The following MICU1 variants were observed in gnomAD, a reference collection of about 807,000 sequenced individuals.
MICU1 encodes the protein calcium uptake protein 1, mitochondrial.
A neutral mutation model predicts 56.8 loss-of-function variants in MICU1; 45 were observed. That is an observed-to-expected ratio of 0.79 (90% CI 0.62 to 1.02). The LOEUF is 1.02. MICU1 is among the 50% of genes least tolerant of loss of function. MICU1 has a pLI of 0.00. For missense variants in MICU1, 504 were observed against 587.1 expected (o/e 0.86, Z 1.46); for synonymous variants, 186 against 195.1 (o/e 0.95, Z 0.39).
At chr10:72,573,440 A>G (rs1421449994) in intron 1 of MICU1, among the ~76,000 whole-genome samples, 1 of 152,078 alleles carries the variant, frequency 6.6e-6, no homozygotes, top group Admixed American at 6.6e-5. Context: ...CACTCACAAA[A>G]AGTAATAGTA....
intron 5 of MICU1, among the ~76,000 whole-genome samples, chr10:72,528,975 T>G (rs1481253496): frequency 6.6e-6 from 1 of 152,202 alleles, no homozygotes; most frequent in Non-Finnish European, 1.5e-5. Flanking sequence ...AAGCTTTGAT[T>G]TTCAACTATG....
chr10:72,374,784 C>T (rs150201707), intron 11 of MICU1, among the ~76,000 whole-genome samples: 1 of 147,202 alleles, frequency 6.8e-6, no homozygotes. Flanking sequence ...TAGTTCAAAT[C>T]CTGGTTTTGC....
At chr10:72,562,021 T>C (rs1178015890) in intron 3 of MICU1, among the ~76,000 whole-genome samples, 1 of 152,158 alleles carries the variant, frequency 6.6e-6, no homozygotes, top group Non-Finnish European at 1.5e-5. Context: ...AAATCCATCC[T>C]TTTCATTGTT....
At chr10:72,534,089 C>T (rs1226452165) in intron 4 of MICU1, among the ~76,000 whole-genome samples, 1 of 150,564 alleles carries the variant, frequency 6.6e-6, no homozygotes, top group African/African-American at 2.4e-5. Flanking sequence ...GTGCTCTTTT[C>T]ATTATATCAA....
chr10:72,625,086 AC>A (rs1204240077), intron 1 of MICU1, among the ~76,000 whole-genome samples: 1 of 152,198 alleles, frequency 6.6e-6, no homozygotes, highest in Non-Finnish European at 1.5e-5. Context: ...TCACTTCCCT[AC>A]GTGCCCCAAA....
intron 6 of MICU1, among the ~76,000 whole-genome samples, chr10:72,507,089 C>T (rs1434487993): frequency 6.6e-6 from 1 of 151,402 alleles, no homozygotes; most frequent in East Asian, 1.9e-4. Context: ...CTTCTAGTAG[C>T]TTTATGTTTA....
intron 6 of MICU1, among the ~76,000 whole-genome samples, chr10:72,502,206 G>A (rs753178632): frequency 3.3e-5 from 5 of 149,260 alleles, no homozygotes; most frequent in Non-Finnish European, 5.9e-5. Context: ...CCAGGCTGGA[G>A]TGCAGTGGCG....
At chr10:72,371,336 G>A (rs1483750290) in intron 11 of MICU1, among the ~76,000 whole-genome samples, 2 of 143,726 alleles carry the variant, frequency 1.4e-5, no homozygotes, top group African/African-American at 5.2e-5. Flanking sequence ...GCAGTGAGCC[G>A]AGATCGCACC....
chr10:72,486,239 T>C (rs1007509636), intron 6 of MICU1, among the ~76,000 whole-genome samples: 1 of 152,066 alleles, frequency 6.6e-6, no homozygotes, highest in African/African-American at 2.4e-5. Context: ...GGCATAAGGA[T>C]TAATAAGAAC....
In MICU1 at chr10:72,533,759, C is replaced by G. The variant is rs752729268; in HGVS notation, c.524G>C (p.Arg175Pro). Residue 175 changes from arginine (R) to proline (P), a missense_variant, in exon 5 of 12, where the codon CGC (arginine) becomes CCC (proline). By Grantham distance (103) the Arg-to-Pro change is moderately radical. Transcript: ENST00000361114. Reference protein sequence around the residue: ...HLGLDQYIIKRFDGKKISQER... With the variant: ...HLGLDQYIIKPFDGKKISQER... ...TAGTTTGCTCACCTTTCCATCAAAGCGTTTTATTATATATTGATCCAGACC... is the reference window on the plus strand; with the variant it reads ...TAGTTTGCTCACCTTTCCATCAAAGGGTTTTATTATATATTGATCCAGACC... 4 of 1,601,188 alleles carry G rather than the reference C, an allele frequency of 2.5e-6. No homozygotes were observed. The highest frequency in any genetic ancestry group is 3.4e-6 in the Non-Finnish European group (4 of 1,172,552).
At chr10:72,475,779 G>C (rs546043995) in intron 7 of MICU1, 33 of 452,114 alleles carry the variant, frequency 7.3e-5, no homozygotes, top group African/African-American at 5.4e-4. Flanking sequence ...AAATAAGATT[G>C]AAGCACACGG....
intron 9 of MICU1, among the ~76,000 whole-genome samples, chr10:72,422,501 C>T (rs1864208172): frequency 6.6e-6 from 1 of 152,202 alleles, no homozygotes; most frequent in African/African-American, 2.4e-5. Context: ...TTCTCTGCTT[C>T]TGTACTTTTC....
At chr10:72,378,294 A>C (rs1862592205) in intron 10 of MICU1, among the ~76,000 whole-genome samples, 1 of 152,102 alleles carries the variant, frequency 6.6e-6, no homozygotes, top group African/African-American at 2.4e-5. Context: ...AAAATCCAAA[A>C]ACAAATGGTA....
intron 1 of MICU1, among the ~76,000 whole-genome samples, chr10:72,585,994 A>ATTTTTTATTT (rs1276935862): frequency 1.0e-5 from 1 of 100,204 alleles, no homozygotes; most frequent in Non-Finnish European, 2.1e-5. Context: ...TATTGTTTTT[A>ATTTTTTATTT]TTTTTTCTTT....
rs542419617 is a variant in MICU1, at chr10:72,432,318, C to T, written c.934-8947G>A. On this transcript the variant is annotated intron_variant, in intron 8 of 11. Transcript: ENST00000361114. The stretch of plus-strand genomic sequence containing the variant: ...AAACCAAATTTTCTTTTTGTAGAGA[C>T]GGGGTTTTCCTCTGTTGCCCAGGAT... Among the ~76,000 whole-genome samples the T allele has an allele frequency of 8.5e-5, 13 of 152,060 alleles. No individual in the cohort carries two copies. The South Asian group carries it at 1.0e-3, about 12-fold the overall frequency.
intron 1 of MICU1, among the ~76,000 whole-genome samples, chr10:72,567,140 G>T (rs7899897): frequency 3.3e-5 from 5 of 151,648 alleles, no homozygotes; most frequent in African/African-American, 4.8e-5. Flanking sequence ...TTTGAGCCCA[G>T]GAGTTGAAGA....
At chr10:72,581,826 T>C (rs953138360) in intron 1 of MICU1, among the ~76,000 whole-genome samples, 2 of 152,224 alleles carry the variant, frequency 1.3e-5, no homozygotes, top group African/African-American at 4.8e-5. Flanking sequence ...AGAAAAAGAC[T>C]TTCTAAGTCC....
chr10:72,495,535 A>T (rs1353554575), intron 6 of MICU1, among the ~76,000 whole-genome samples: 1 of 152,006 alleles, frequency 6.6e-6, no homozygotes, highest in Non-Finnish European at 1.5e-5. Context: ...GGGTGCCTGT[A>T]ATTTCAGCTA....
rs111239756 is a variant in MICU1 at position 72,450,817 on chromosome 10, C to T, written c.933+24283G>A. Among the ~76,000 whole-genome samples the T allele has an allele frequency of 2.7e-3, 410 of 150,688 alleles. 2 individuals are homozygous for T. Among genetic ancestry groups the T allele is most frequent in the African/African-American group, 9.4e-3 (386 of 40,924 alleles). On this transcript the variant is annotated intron_variant, in intron 8 of 11. Transcript: ENST00000361114. ...TCAGCTCACTGCAACCGCCACCACT[C>T]GGGTTCAAGCGATTCTCCCGCTTCA... is the stretch of plus-strand genomic sequence containing the variant.
Sources: gnomAD v4.1 joint callset for allele counts (sites outside exome capture counted in the v4.1 genomes callset) on GRCh38, gnomAD v4.1.1 for gene constraint, MANE v1.5 for transcripts, NCBI Gene and HGNC (gene_info 2026-07-23, HGNC 2026-07-21) for gene names.